Variants in DACH2 observed in about 807,000 individuals in gnomAD.
The protein encoded by DACH2 is dachshund homolog 2.
DACH2 carries 17 observed loss-of-function variants against 35.8 expected under a neutral mutation model. That is an observed-to-expected ratio of 0.48 (90% confidence interval 0.33 to 0.71). DACH2 has a LOEUF of 0.71. DACH2 is among the 30% of genes least tolerant of loss of function. The probability of loss-of-function intolerance (pLI) is 0.02; values close to 1 mark genes in which losing one functional copy is unlikely to be tolerated. For missense variants in DACH2, 469 were observed against 472.7 expected, an observed-to-expected ratio of 0.99 and a Z score of 0.07; for synonymous variants, 195 against 177.3, an observed-to-expected ratio of 1.10 and a Z score of -0.79.
At chrX:86,519,307 G>T (rs774152876) in intron 3 of DACH2, among the ~76,000 whole-genome samples, 1 of 111,846 alleles carries the variant, frequency 8.9e-6, no homozygotes, top group Admixed American at 9.5e-5. Context: ...CAAGTGTTTT[G>T]TTCTGGATTT....
At chrX:86,793,428 C>A (rs1484257883) in intron 7 of DACH2, among the ~76,000 whole-genome samples, 3 of 111,113 alleles carry the variant, frequency 2.7e-5, no homozygotes, top group Non-Finnish European at 5.7e-5. Context: ...TAAGAGAATA[C>A]ACTCTTTGGG....
intron 7 of DACH2, among the ~76,000 whole-genome samples, chrX:86,757,748 T>C (rs1478194087): frequency 8.9e-6 from 1 of 112,048 alleles, no homozygotes; most frequent in Non-Finnish European, 1.9e-5. Context: ...TCCAGCCACG[T>C]AGGACGTGCT....
chrX:86,667,545 G>GAAGA (rs367810959), intron 4 of DACH2, among the ~76,000 whole-genome samples: 690 of 31,201 alleles, frequency 0.022, 45 homozygotes, highest in Non-Finnish European at 0.027. Context: ...AAGAAAGAAA[G>GAAGA]AAGAAAGAAA....
intron 2 of DACH2, among the ~76,000 whole-genome samples, chrX:86,389,393 C>G (rs975648593): frequency 8.9e-6 from 1 of 112,260 alleles, no homozygotes; most frequent in East Asian, 2.8e-4. Flanking sequence ...CTTGTAGCAG[C>G]ACAGCTAAAT....
intron 1 of DACH2, among the ~76,000 whole-genome samples, chrX:86,357,762 C>T (rs909227990): frequency 3.6e-5 from 4 of 112,357 alleles, no homozygotes; most frequent in Non-Finnish European, 5.6e-5. Flanking sequence ...GTTATACACA[C>T]GTGTGCTTGA....
At chrX:86,227,459 G>T (rs2032850150) in intron 1 of DACH2, among the ~76,000 whole-genome samples, 1 of 110,605 alleles carries the variant, frequency 9.0e-6, no homozygotes, top group Non-Finnish European at 1.9e-5. Flanking sequence ...CATTCTTTCA[G>T]CCATACTCTC....
intron 6 of DACH2, among the ~76,000 whole-genome samples, chrX:86,725,421 C>G (rs746804355): frequency 9.0e-6 from 1 of 111,678 alleles, no homozygotes; most frequent in East Asian, 2.8e-4. Context: ...CTGTAATACA[C>G]AGGGTCATTG....
intron 7 of DACH2, among the ~76,000 whole-genome samples, chrX:86,753,995 C>T (rs2041802192): frequency 9.1e-6 from 1 of 109,385 alleles, no homozygotes; most frequent in Non-Finnish European, 1.9e-5. Context: ...ATGAGAGCAT[C>T]ACAGAAACAG....
At chrX:86,540,334 G>A (rs2038862972) in intron 3 of DACH2, among the ~76,000 whole-genome samples, 2 of 111,266 alleles carry the variant, frequency 1.8e-5, no homozygotes, top group Admixed American at 1.9e-4. Context: ...TGAAATACCA[G>A]GAATATCACA....
chrX:86,164,036 T>C lies in DACH2; in HGVS notation c.488+14928T>C, dbSNP rs192704264. Among the ~76,000 whole-genome samples, 5 of 112,143 alleles carry C rather than the reference T, an allele frequency of 4.5e-5. No homozygotes were observed. In the East Asian group the frequency reaches 1.4e-3, roughly 32 times the overall value. Reference sequence around the variant, plus strand: ...ACACAATGGTTGAACTAATTTACACTCTGCCCAACAGTGTATAAGTGTTCC... The same window carrying C: ...ACACAATGGTTGAACTAATTTACACCCTGCCCAACAGTGTATAAGTGTTCC... On this transcript the variant is annotated intron_variant, in intron 1 of 11. Coordinates refer to ENST00000373125, the MANE Select transcript of DACH2 (RefSeq NM_053281.3).
intron 1 of DACH2, among the ~76,000 whole-genome samples, chrX:86,280,577 A>G: frequency 8.9e-6 from 1 of 112,181 alleles, no homozygotes; most frequent in East Asian, 2.8e-4. Context: ...CATCATAAGG[A>G]CAGGATCAAA....
intron 11 of DACH2, chrX:86,827,661 A>G (rs941842140): frequency 1.5e-6 from 1 of 650,990 alleles, no homozygotes; most frequent in Non-Finnish European, 2.5e-6. Flanking sequence ...ACAGCGAAAT[A>G]CTATAAAGTG....
At chrX:86,418,297 G>A in intron 2 of DACH2, among the ~76,000 whole-genome samples, 1 of 112,015 alleles carries the variant, frequency 8.9e-6, no homozygotes, top group Middle Eastern at 4.6e-3. Flanking sequence ...TGGTGCCCCA[G>A]CAGGGACTCT....
At chrX:86,811,000 TA>T (rs966167525) in intron 7 of DACH2, among the ~76,000 whole-genome samples, 1 of 112,122 alleles carries the variant, frequency 8.9e-6, no homozygotes, top group African/African-American at 3.2e-5. Flanking sequence ...AAAGCTTTAC[TA>T]AAAAATAATT....
At chrX:86,424,861 G>C (rs1458571993) in intron 2 of DACH2, among the ~76,000 whole-genome samples, 4 of 110,808 alleles carry the variant, frequency 3.6e-5, no homozygotes, top group Non-Finnish European at 7.6e-5. Flanking sequence ...TCTAAAACAA[G>C]TTTTTCAGGG....
chrX:86,532,357 G>T (rs941432684), intron 3 of DACH2, among the ~76,000 whole-genome samples: 1 of 111,356 alleles, frequency 9.0e-6, no homozygotes, highest in African/African-American at 3.3e-5. Context: ...ATCTTGAATT[G>T]CAATCCCTAT....
At chrX:86,830,745 A>G (rs1459516001) in intron 11 of DACH2, 2 of 111,715 alleles carry the variant, frequency 1.8e-5, no homozygotes, top group African/African-American at 6.5e-5. Context: ...AGCTTTAGCT[A>G]TATTGTATAA....
intron 1 of DACH2, among the ~76,000 whole-genome samples, chrX:86,284,421 T>C (rs1216491803): frequency 8.9e-6 from 1 of 111,986 alleles, no homozygotes; most frequent in African/African-American, 3.2e-5. Context: ...ACCATCCTAG[T>C]ATCCCAAGGA....
intron 7 of DACH2, among the ~76,000 whole-genome samples, chrX:86,770,150 A>G (rs757761978): frequency 2.3e-5 from 2 of 88,079 alleles, no homozygotes; most frequent in South Asian, 5.9e-4. Context: ...TTCATCAATG[A>G]TGTAATAAGA....
Sources: allele counts gnomAD v4.1 joint callset (sites outside exome capture counted in the v4.1 genomes callset), GRCh38; gene constraint gnomAD v4.1.1; transcripts MANE v1.5; gene names NCBI Gene and HGNC (gene_info 2026-07-23, HGNC 2026-07-21).